GPHN: variants seen among roughly 807,000 people sequenced by gnomAD.
The protein encoded by GPHN is gephyrin.
A neutral mutation model predicts 95.5 loss-of-function variants in GPHN; 17 were observed. The ratio of observed to expected loss-of-function variants is 0.18; its 90% CI spans 0.12 to 0.27. The LOEUF (loss-of-function observed/expected upper bound fraction) is 0.27, where lower values mean the gene tolerates loss of function less well. Ranked by LOEUF, GPHN falls within the 10% of genes least tolerant of loss-of-function variation. The pLI, the probability that GPHN is intolerant of heterozygous loss-of-function variation, is 1.00. For synonymous variants in GPHN, 320 were observed against 322.5 expected (o/e 0.99, Z 0.08); for missense variants, 660 against 978.1 (o/e 0.67, Z 4.34).
chr14:67,056,861 C>T (rs941518764), intron 10 of GPHN, among the ~76,000 whole-genome samples: 103 of 152,290 alleles, frequency 6.8e-4, no homozygotes, highest in Non-Finnish European at 1.1e-3. Flanking sequence ...AGCCCTGCCC[C>T]GCAAGGAGGC....
chr14:66,837,404 T>C (rs1364603028), intron 4 of GPHN, among the ~76,000 whole-genome samples: 3 of 121,684 alleles, frequency 2.5e-5, no homozygotes, highest in Admixed American at 2.2e-4. Context: ...TGAGATCACA[T>C]GGACACAGGA....
chr14:66,771,084 T>C (rs1161786920), intron 2 of GPHN, among the ~76,000 whole-genome samples: 1 of 152,200 alleles, frequency 6.6e-6, no homozygotes, highest in Non-Finnish European at 1.5e-5. Context: ...CCTAAGCCAC[T>C]GGCTCCAATG....
intron 1 of GPHN, among the ~76,000 whole-genome samples, chr14:66,540,194 A>T (rs1163377458): frequency 6.6e-6 from 1 of 152,204 alleles, no homozygotes; most frequent in Non-Finnish European, 1.5e-5. Flanking sequence ...AGGCTAGAGA[A>T]CAACTTCTAT....
At chr14:67,586,902 G>C in the GPHN span, 1 of 1,532,584 alleles carries the variant, frequency 6.5e-7, no homozygotes, top group African/African-American at 1.4e-5. Context: ...CACACCACTG[G>C]GCCTCTGAAC....
At chr14:66,828,855 G>A (rs2061477817) in intron 4 of GPHN, among the ~76,000 whole-genome samples, 1 of 149,912 alleles carries the variant, frequency 6.7e-6, no homozygotes, top group Non-Finnish European at 1.5e-5. Context: ...TATAGGAATA[G>A]GGCTATCAGA....
chr14:67,449,118 A>C, the GPHN span, among the ~76,000 whole-genome samples: 1 of 152,214 alleles, frequency 6.6e-6, no homozygotes, highest in African/African-American at 2.4e-5. Flanking sequence ...CACACCAGCC[A>C]ATTCTGCTCA....
At chr14:67,473,867 G>A in the GPHN span, 8 of 1,612,104 alleles carry the variant, frequency 5.0e-6, no homozygotes, top group South Asian at 5.5e-5. This position sits in a 1 kb window ranked among gnomAD's most constrained non-coding sequence, Gnocchi z 6.5. Flanking sequence ...AGAAGTAGCC[G>A]TGGATGGCAT....
the GPHN span, chr14:67,722,562 G>C: frequency 8.3e-7 from 1 of 1,202,526 alleles, no homozygotes; most frequent in Non-Finnish European, 1.2e-6. Context: ...AAGAGCTGGA[G>C]CCAGACCAGG....
chr14:67,577,420 T>C, the GPHN span: 2 of 1,552,126 alleles, frequency 1.3e-6, no homozygotes, highest in Non-Finnish European at 1.8e-6. Context: ...TCAAGGTAAA[T>C]TGGGGTGGCG....
chr14:67,329,696 T>G, the GPHN span, among the ~76,000 whole-genome samples: 1 of 152,110 alleles, frequency 6.6e-6, no homozygotes, highest in South Asian at 2.1e-4. Context: ...CTGGGCAACA[T>G]AGTGAAATCC....
At chr14:67,165,294 G>A (rs370204471) in intron 20 of GPHN, 68 bp downstream of exon 20, 9 of 951,704 alleles carry the variant, frequency 9.5e-6, no homozygotes, top group African/African-American at 4.8e-5. Flanking sequence ...GACTTCTCAT[G>A]TGACCACCTG....
chr14:66,556,691 C>T (rs895451062), intron 1 of GPHN, among the ~76,000 whole-genome samples: 1 of 151,852 alleles, frequency 6.6e-6, no homozygotes, highest in Non-Finnish European at 1.5e-5. Flanking sequence ...CATTTAAGAA[C>T]TAGTTTTAAA....
the GPHN span, among the ~76,000 whole-genome samples, chr14:67,247,962 G>C: frequency 6.6e-6 from 1 of 152,128 alleles, no homozygotes; most frequent in South Asian, 2.1e-4. Context: ...TGTGCATTCT[G>C]TTAAGGAGGT....
chr14:67,150,238 C>T (rs1273323336), intron 18 of GPHN, among the ~76,000 whole-genome samples: 14 of 151,422 alleles, frequency 9.2e-5, no homozygotes, highest in Admixed American at 3.9e-4. Flanking sequence ...ATCAGGAGAT[C>T]GAGACCATCC....
the GPHN span, among the ~76,000 whole-genome samples, chr14:67,402,073 G>A: frequency 2.2e-4 from 34 of 152,158 alleles, no homozygotes; most frequent in Admixed American, 2.2e-3. Flanking sequence ...GGAGTTTGCA[G>A]TGAGCCAAGA....
At chr14:67,353,673 T>A in the GPHN span, 1 of 152,192 alleles carries the variant, frequency 6.6e-6, no homozygotes, top group Admixed American at 6.6e-5. Context: ...GTATTTTTAG[T>A]AGAGACAGGG....
At chr14:66,571,185 CCTT>C (rs753991233) in intron 1 of GPHN, among the ~76,000 whole-genome samples, 2 of 152,130 alleles carry the variant, frequency 1.3e-5, no homozygotes, top group African/African-American at 2.4e-5. Flanking sequence ...GAAGCAAAGA[CCTT>C]CTTCACGTGG....
At chr14:66,723,325 G>C (rs932041187) in intron 2 of GPHN, among the ~76,000 whole-genome samples, 1 of 150,888 alleles carries the variant, frequency 6.6e-6, no homozygotes, top group Non-Finnish European at 1.5e-5. Flanking sequence ...ATTTATAAAA[G>C]GTTATAACCT....
rs530280424 is a variant in GPHN, at chr14:67,177,251, G to A, written c.2080-2327G>A. 9.9e-5 allele frequency among the ~76,000 whole-genome samples: 15 copies of A among 152,260 alleles called. No homozygotes were observed. The East Asian group carries it at 1.7e-3, about 18-fold the overall frequency. On this transcript the variant is annotated intron_variant, in intron 21 of 22. Transcript: ENST00000478722. ...TTTCCCTCTACACATTGCTTTAAAC[G>A]TGTCCCAAAGATTCTGGTATGTCGT...
Sources: allele counts gnomAD v4.1 joint callset (sites outside exome capture counted in the v4.1 genomes callset), GRCh38; gene constraint gnomAD v4.1.1; non-coding constraint Gnocchi (gnomAD v3.1); transcripts MANE v1.5; gene names NCBI Gene and HGNC (gene_info 2026-07-23, HGNC 2026-07-21).